Variants in SETD5 observed in about 807,000 individuals in gnomAD.
SETD5 encodes the protein SET domain containing 5, also known as histone-lysine N-methyltransferase SETD5.
SETD5 carries 44 observed loss-of-function variants against 153.3 expected under a neutral mutation model. That is an observed-to-expected ratio of 0.29 (90% CI 0.23 to 0.37). The LOEUF is 0.37. Among genes scored for constraint, SETD5 ranks in the 10% least tolerant of loss-of-function variants. The pLI is 1.00. For missense variants in SETD5, 1,544 were observed against 1,768.0 expected (o/e 0.87, Z 2.27); for synonymous variants, 716 against 645.2 (o/e 1.11, Z -1.66).
chr3:9,439,034 G>A (rs1252643658), intron 7 of SETD5, among the ~76,000 whole-genome samples: 5 of 152,142 alleles, frequency 3.3e-5, no homozygotes. Flanking sequence ...CTGTGACAGA[G>A]GCTTCCAGAA....
intron 1 of SETD5, among the ~76,000 whole-genome samples, chr3:9,403,676 A>G (rs148442886): frequency 1.3e-5 from 2 of 152,096 alleles, no homozygotes; most frequent in African/African-American, 2.4e-5. Flanking sequence ...AGTTTAGGCA[A>G]CCTCTTTTGA....
intron 17 of SETD5, among the ~76,000 whole-genome samples, chr3:9,454,550 A>C (rs1485452772): frequency 3.2e-5 from 4 of 126,458 alleles, no homozygotes; most frequent in Non-Finnish European, 6.3e-5. Flanking sequence ...TGAACCCGGG[A>C]GGTGGAGGTT....
In SETD5 at chr3:9,440,645, A is replaced by G; in HGVS notation, c.757A>G (p.Ile253Val). The change falls in exon 8 of 23, where the codon ATT (isoleucine) becomes GTT (valine). Residue 253 changes from isoleucine to valine, a missense_variant. Coordinates refer to ENST00000402198, the MANE Select transcript of SETD5 (RefSeq NM_001080517.3). ...FVGKPTILDTINKTELACNNT... is the reference protein window; with the variant it reads ...FVGKPTILDTVNKTELACNNT... ...GGGCAAACCTACTATTTTAGACACT[A>G]TTAATAAGACTGAATTGGCCTGTAA... 5 of 1,613,860 alleles carry G rather than the reference A, an allele frequency of 3.1e-6. No individual in the cohort carries two copies. Among genetic ancestry groups the G allele is most frequent in the Non-Finnish European group, 4.2e-6 (5 of 1,179,810 alleles).
chr3:9,405,498 A>G (rs1575160354), intron 1 of SETD5, among the ~76,000 whole-genome samples: 1 of 152,304 alleles, frequency 6.6e-6, no homozygotes, highest in Middle Eastern at 3.4e-3. Context: ...TTTTTATCCC[A>G]TACCACCCCC....
chr3:9,465,504 ACT>A (rs1391060848), intron 18 of SETD5, among the ~76,000 whole-genome samples: 4 of 151,960 alleles, frequency 2.6e-5, no homozygotes, highest in Non-Finnish European at 5.9e-5. Flanking sequence ...CACTAAACAC[ACT>A]CTGCTGCTCT....
chr3:9,400,533 T>C (rs1394815043), intron 1 of SETD5, among the ~76,000 whole-genome samples: 1 of 152,212 alleles, frequency 6.6e-6, no homozygotes, highest in East Asian at 1.9e-4. Flanking sequence ...AACATTTTAC[T>C]AAGCTTGAAC....
At chr3:9,467,704 C>T (rs764380177) in intron 18 of SETD5, among the ~76,000 whole-genome samples, 2 of 152,234 alleles carry the variant, frequency 1.3e-5, no homozygotes, top group Admixed American at 6.5e-5. Flanking sequence ...ACTCTCTTCA[C>T]GTGTTCCCAT....
intron 17 of SETD5, among the ~76,000 whole-genome samples, chr3:9,458,725 G>C (rs1286034356): frequency 6.6e-6 from 1 of 152,124 alleles, no homozygotes; most frequent in African/African-American, 2.4e-5. Context: ...AAACTGCCGG[G>C]GAGTAATATC....
Position 9,417,328 on chromosome 3 carries a change from A to G in SETD5, c.-176-7139A>G, listed in dbSNP as rs76739478. Reference sequence around the variant, plus strand: ...TCTTCAGTCAGGTGCTAGTGCCAGCACAACAAAAAAGAGGGTTTTTTCCCT... The same window carrying G: ...TCTTCAGTCAGGTGCTAGTGCCAGCGCAACAAAAAAGAGGGTTTTTTCCCT... On this transcript the variant is annotated intron_variant, in intron 1 of 22. Coordinates refer to ENST00000402198, the MANE Select transcript of SETD5 (RefSeq NM_001080517.3). Among the ~76,000 whole-genome samples, 803 of 152,312 alleles carry G rather than the reference A, an allele frequency of 5.3e-3. 4 individuals carry two copies. Among genetic ancestry groups the G allele is most frequent in the African/African-American group, 0.017 (723 of 41,568 alleles).
Position 9,447,122 on chromosome 3 carries a change from G to T in SETD5, c.1597G>T (p.Asp533Tyr), listed in dbSNP as rs781658096. 3.7e-6 allele frequency: 6 copies of T among 1,613,966 alleles called. No homozygotes were observed. The highest frequency in any genetic ancestry group is 3.3e-4 in the Middle Eastern group (2 of 6,062). ...CTTAGAGAAAAGAAAGAAGCGGCGG[G>T]ATCAGCCCTTGGAACAGAGCAACTC... is the stretch of plus-strand genomic sequence containing the variant. ...ENLEKRKKRRDQPLEQSNSDV... is the reference protein window; with the variant it reads ...ENLEKRKKRRYQPLEQSNSDV... The change falls in exon 14 of 23, where the codon GAT becomes TAT. Residue 533 changes from aspartate (D) to tyrosine (Y), a missense_variant. Asp to Tyr is a radical substitution (Grantham distance 160). Around this residue, in one of 9 missense-constraint regions of SETD5, gnomAD observed 782 missense variants for 787.2 expected, o/e 0.99. Coordinates refer to ENST00000402198, the MANE Select transcript of SETD5 (RefSeq NM_001080517.3).
At chr3:9,468,431 A>G in intron 18 of SETD5, 1 of 1,184,432 alleles carries the variant, frequency 8.4e-7, no homozygotes, top group Non-Finnish European at 1.1e-6. Context: ...GTTATGGCTA[A>G]CATCTATGCT....
intron 18 of SETD5, 185 bp downstream of exon 18, chr3:9,464,857 A>G (rs755303840): frequency 4.8e-5 from 39 of 808,400 alleles, no homozygotes; most frequent in Non-Finnish European, 5.0e-5. Context: ...GGCAGCCCCT[A>G]TGCTTCCCAA....
chr3:9,433,344 A>G, intron 3 of SETD5: 1 of 1,284,696 alleles, frequency 7.8e-7, no homozygotes, highest in Non-Finnish European at 1.0e-6. Flanking sequence ...ATAAGATGCC[A>G]TTGTTTTTAC....
In SETD5 at chr3:9,470,885, G is replaced by A; in HGVS notation, c.3151G>A (p.Glu1051Lys). Residue 1051 changes from glutamate (E) to lysine (K), a missense_variant, in exon 19 of 23, where the codon GAA (glutamate) becomes AAA (lysine). By Grantham distance (56) the Glu-to-Lys change is moderately conservative (BLOSUM62 1). Transcript: ENST00000402198. Reference sequence around the variant, plus strand: ...GTCACCTGGTGGTGAAAGGGCCTGTGAAGGAGTCCCATCTGCCCCCCAGAA... The same window carrying A: ...GTCACCTGGTGGTGAAAGGGCCTGTAAAGGAGTCCCATCTGCCCCCCAGAA... ...SLSPGGERAC[E>K]GVPSAPQNPP... is the part of the protein sequence containing the mutation. 6.2e-7 allele frequency: 1 copy of A among 1,608,654 alleles called. No individual in the cohort carries two copies. The highest frequency in any genetic ancestry group is 2.2e-5 in the East Asian group (1 of 44,764).
intron 17 of SETD5, among the ~76,000 whole-genome samples, chr3:9,458,052 A>G (rs2043476339): frequency 6.6e-6 from 1 of 152,212 alleles, no homozygotes; most frequent in South Asian, 2.1e-4. Flanking sequence ...TATGGAACAA[A>G]ATAGTCAGAA....
chr3:9,475,801 C>T lies in SETD5; in HGVS notation c.4039C>T (p.Pro1347Ser). The T allele has an allele frequency of 6.2e-7, 1 of 1,614,010 alleles. No homozygotes were observed. Among genetic ancestry groups the T allele is most frequent in the Non-Finnish European group, 8.5e-7 (1 of 1,179,902 alleles). The part of the protein sequence containing the change: ...RRSCPSSAAS[P>S]TLQGPSDSPT... ...GAGCTGCCCTTCTAGTGCTGCTAGC[C>T]CTACCCTGCAGGGACCCTCAGACTC... Residue 1347 changes from proline to serine, a missense_variant, in exon 23 of 23, where the codon CCT becomes TCT. Transcript: ENST00000402198.
At chr3:9,422,044 T>A (rs2038488063) in intron 1 of SETD5, among the ~76,000 whole-genome samples, 1 of 152,148 alleles carries the variant, frequency 6.6e-6, no homozygotes, top group South Asian at 2.1e-4. Flanking sequence ...GAGAAAAAAA[T>A]AACTTTTTAT....
At chr3:9,446,357 G>A (rs1035752880) in intron 13 of SETD5, among the ~76,000 whole-genome samples, 23 of 149,202 alleles carry the variant, frequency 1.5e-4, no homozygotes, top group African/African-American at 2.5e-4. Context: ...TATTATAGTT[G>A]GTTTGCTCTG....
At position 9,475,190 on chromosome 3, in the gene SETD5, G is replaced by A. The variant is rs373863373; in HGVS notation, c.3720+34G>A. The A allele has an allele frequency of 1.2e-5, 19 of 1,547,924 alleles. No individual in the cohort carries two copies. The African/African-American group carries it at 2.3e-4, about 19-fold the overall frequency. On this transcript the variant is annotated intron_variant, in intron 22 of 22. Transcript: ENST00000402198. ...AGAAATTGCTGGTCTCTAGCCATAG[G>A]AGTGTGTTCTGGGTCCCAAATTGTC...
Sources: allele counts gnomAD v4.1 joint callset (sites outside exome capture counted in the v4.1 genomes callset), GRCh38; gene constraint gnomAD v4.1.1; regional missense constraint gnomAD v4.1.1; transcripts MANE v1.5; gene names NCBI Gene and HGNC (gene_info 2026-07-23, HGNC 2026-07-21).